SHISA6: variants seen among roughly 807,000 people sequenced by gnomAD.
SHISA6 encodes protein shisa-6.
In SHISA6, 22 loss-of-function variants were observed where a neutral mutation model predicts 47.9. The ratio of observed to expected loss-of-function variants is 0.46; its 90% CI spans 0.33 to 0.66. SHISA6 has a LOEUF of 0.66. Ranked by LOEUF, SHISA6 falls within the 30% of genes least tolerant of loss-of-function variation. The pLI is 0.02. For synonymous variants in SHISA6, 388 were observed against 337.8 expected (o/e 1.15, Z -1.63); for missense variants, 680 against 764.6 (o/e 0.89, Z 1.30).
rs1398734420 is a variant in SHISA6 at position 11,241,649 on chromosome 17, A to C, written c.227A>C (p.Gln76Pro). 7.1e-7 allele frequency: 1 copy of C among 1,416,988 alleles called. No individual in the cohort carries two copies. Among genetic ancestry groups the C allele is most frequent in the Admixed American group, 2.9e-5 (1 of 34,156 alleles). The allele number at this position is 1,416,988 out of a possible 1,614,324, so 87.8% of individuals were successfully genotyped here. Reference protein sequence around the residue: ...GIPEAGSRRGQPAAAVAAAAS... With the variant: ...GIPEAGSRRGPPAAAVAAAAS... ...CCGGAGGCGGGAAGCCGGCGGGGGCAGCCCGCGGCGGCTGTGGCGGCGGCG... is the reference window on the plus strand; with the variant it reads ...CCGGAGGCGGGAAGCCGGCGGGGGCCGCCCGCGGCGGCTGTGGCGGCGGCG... The change falls in exon 1 of 6, where the codon CAG becomes CCG. Residue 76 changes from glutamine (Q) to proline (P), a missense_variant. By Grantham distance (76) the Gln-to-Pro change is moderately conservative. Transcript: ENST00000441885. This position sits in a 1 kb window ranked among gnomAD's most constrained non-coding sequence, Gnocchi z 5.5.
At chr17:11,367,915 C>T (rs1481386226) in intron 2 of SHISA6, among the ~76,000 whole-genome samples, 1 of 152,164 alleles carries the variant, frequency 6.6e-6, no homozygotes, top group Non-Finnish European at 1.5e-5. Flanking sequence ...AAAGTTCTCT[C>T]TTAGGTGCTT....
chr17:11,467,420 G>A (rs1567613556), intron 3 of SHISA6, among the ~76,000 whole-genome samples: 1 of 152,156 alleles, frequency 6.6e-6, no homozygotes, highest in South Asian at 2.1e-4. Context: ...TTCAGTGTCA[G>A]TATGACATAT....
At chr17:11,285,787 A>G (rs1909273636) in intron 2 of SHISA6, among the ~76,000 whole-genome samples, 1 of 150,914 alleles carries the variant, frequency 6.6e-6, no homozygotes, top group Non-Finnish European at 1.5e-5. Flanking sequence ...AGTGGTTGGA[A>G]TGAGAGGCAG....
intron 3 of SHISA6, among the ~76,000 whole-genome samples, chr17:11,504,333 AACTTTTAAAGC>A (rs1354948992): frequency 6.6e-6 from 1 of 152,174 alleles, no homozygotes; most frequent in Non-Finnish European, 1.5e-5. Context: ...ATCTTTGCTA[AACTTTTAAAGC>A]ACTCTGCAAA....
intron 2 of SHISA6, among the ~76,000 whole-genome samples, chr17:11,283,609 C>T (rs1202627584): frequency 6.6e-6 from 1 of 152,202 alleles, no homozygotes; most frequent in Admixed American, 6.5e-5. Flanking sequence ...GCAGATACTG[C>T]ACAAAGCTTA....
chr17:11,273,871 A>C (rs943383191), intron 2 of SHISA6, among the ~76,000 whole-genome samples: 1 of 151,692 alleles, frequency 6.6e-6, no homozygotes, highest in Non-Finnish European at 1.5e-5. Context: ...CTTATGGCCA[A>C]ATCACCATTC....
intron 3 of SHISA6, among the ~76,000 whole-genome samples, chr17:11,413,360 C>G (rs749193789): frequency 7.9e-5 from 12 of 152,302 alleles, no homozygotes; most frequent in Admixed American, 2.6e-4. Context: ...CTCATAGTTG[C>G]TTGATGGCTG....
intron 1 of SHISA6, among the ~76,000 whole-genome samples, chr17:11,244,713 C>T (rs748685635): frequency 6.6e-5 from 10 of 152,124 alleles, no homozygotes; most frequent in Non-Finnish European, 1.2e-4. Flanking sequence ...TGTACACTCT[C>T]GAGAGGTCAA....
chr17:11,379,694 T>C, intron 3 of SHISA6, 185 bp downstream of exon 3: 1 of 472,054 alleles, frequency 2.1e-6, no homozygotes. Context: ...CAGGTGTGAC[T>C]TTAGAGGGCG....
chr17:11,355,679 C>A (rs767839188), intron 2 of SHISA6, among the ~76,000 whole-genome samples: 4 of 152,190 alleles, frequency 2.6e-5, no homozygotes, highest in Non-Finnish European at 5.9e-5. Context: ...CAGGTACCTT[C>A]TATTGGGAGA....
rs114145423 is a variant in SHISA6 at position 11,391,342 on chromosome 17, G to A, written c.895+11833G>A. ...AGGCACCGTAGGACACCTGTAGGGG[G>A]CAGTAGGAAACAGAGCTAGAAAGGC... On this transcript the variant is annotated intron_variant, in intron 3 of 5. Coordinates refer to ENST00000441885, the MANE Select transcript of SHISA6 (RefSeq NM_207386.4). Among the ~76,000 whole-genome samples the A allele has an allele frequency of 3.2e-3, 480 of 152,274 alleles. 3 individuals are homozygous for A. The highest frequency in any genetic ancestry group is 0.011 in the African/African-American group (444 of 41,536).
Position 11,300,669 on chromosome 17 carries a change from CTTTTTTT to C in SHISA6, c.799+37152_799+37158del, listed in dbSNP as rs201580011. Among the ~76,000 whole-genome samples, 54 of 136,254 alleles carry C rather than the reference CTTTTTTT, an allele frequency of 4.0e-4. 1 individual carries two copies. Among genetic ancestry groups the C allele is most frequent in the African/African-American group, 1.2e-3 (45 of 37,336 alleles). The allele number at this position is 136,254 out of a possible 152,430, so 89.4% of individuals were successfully genotyped here. On this transcript the variant is annotated intron_variant, in intron 2 of 5. Coordinates refer to ENST00000441885, the MANE Select transcript of SHISA6 (RefSeq NM_207386.4). ...CAGTTTAGGACTTTTTTTTCTTTTT[CTTTTTTT>C]TTTTTTTTGTAATTCAGTGACTGTG... is the stretch of plus-strand genomic sequence containing the variant.
In SHISA6 at chr17:11,556,768, G is replaced by C. The variant is rs117543269; in HGVS notation, c.1105+876G>C. 9.7e-4 allele frequency among the ~76,000 whole-genome samples: 147 copies of C among 152,212 alleles called. 1 individual carries two copies. The East Asian group carries it at 0.018, about 18-fold the overall frequency. On this transcript the variant is annotated intron_variant, in intron 5 of 5. Transcript: ENST00000441885. ...CTCAGGAGGAAGGATACCCATCAAC[G>C]ACCCCGCTGCACCAACTGAAGAGCA... is the stretch of plus-strand genomic sequence containing the variant.
chr17:11,530,897 G>A (rs2071726615), intron 3 of SHISA6, among the ~76,000 whole-genome samples: 1 of 150,856 alleles, frequency 6.6e-6, no homozygotes, highest in East Asian at 1.9e-4. Context: ...CACCATGGAT[G>A]GAACTGCACG....
intron 2 of SHISA6, among the ~76,000 whole-genome samples, chr17:11,329,177 A>G (rs1911014773): frequency 6.6e-6 from 1 of 152,200 alleles, no homozygotes; most frequent in Admixed American, 6.5e-5. Flanking sequence ...CTGTCTGCCT[A>G]GCTAGTAGCC....
intron 2 of SHISA6, among the ~76,000 whole-genome samples, chr17:11,328,210 C>T (rs1002517170): frequency 1.3e-5 from 2 of 152,150 alleles, no homozygotes; most frequent in African/African-American, 4.8e-5. Context: ...TGGACTCGGG[C>T]CACACACATG....
chr17:11,337,870 A>G (rs1911379231), intron 2 of SHISA6, among the ~76,000 whole-genome samples: 1 of 152,130 alleles, frequency 6.6e-6, no homozygotes, highest in Non-Finnish European at 1.5e-5. Flanking sequence ...TAGTCAAATG[A>G]TTATTTTTTC....
chr17:11,397,724 T>C (rs1418069143), intron 3 of SHISA6, among the ~76,000 whole-genome samples: 1 of 152,084 alleles, frequency 6.6e-6, no homozygotes, highest in Non-Finnish European at 1.5e-5. Context: ...TCTCATCTTA[T>C]AAGTTATTTG....
At chr17:11,438,465 TG>T (rs1306451941) in intron 3 of SHISA6, among the ~76,000 whole-genome samples, 1 of 152,138 alleles carries the variant, frequency 6.6e-6, no homozygotes, top group African/African-American at 2.4e-5. Context: ...ATGGTGTCTG[TG>T]GAGGTCTCTC....
Sources: gnomAD v4.1 joint callset for allele counts (sites outside exome capture counted in the v4.1 genomes callset) on GRCh38, gnomAD v4.1.1 for gene constraint, Gnocchi (gnomAD v3.1) non-coding constraint, MANE v1.5 for transcripts, NCBI Gene and HGNC (gene_info 2026-07-23, HGNC 2026-07-21) for gene names.